Variants in CES2 observed in about 807,000 individuals in gnomAD.
CES2 encodes the protein cocaine esterase.
CES2 carries 42 observed loss-of-function variants against 52.1 expected under a neutral mutation model. The observed-to-expected ratio is 0.81, with a 90% CI of 0.63 to 1.04. CES2 has a LOEUF of 1.04. Ranked by LOEUF, CES2 falls within the 50% of genes least tolerant of loss-of-function variation. CES2 has a pLI of 0.00. For synonymous variants in CES2, 277 were observed against 289.6 expected (o/e 0.96, Z 0.44); for missense variants, 656 against 724.3 (o/e 0.91, Z 1.08).
rs1289697850 is a variant in CES2, at chr16:66,944,044, A to G, written c.*19A>G. The G allele has an allele frequency of 3.3e-5, 20 of 611,716 alleles. No homozygotes were observed. Among genetic ancestry groups the G allele is most frequent in the Non-Finnish European group, 4.8e-5 (18 of 374,026 alleles). 37.9% of individuals were successfully genotyped at this position (611,716 alleles called of 1,614,324 possible). ...GCTGTAGCTCCCTGTGCCGGGGAGG[A>G]GGGGGTGGGTTCGCTGACAGGCGAG... On this transcript the variant is annotated 3_prime_UTR_variant, in exon 12 of 12. Coordinates refer to ENST00000317091, the MANE Select transcript of CES2 (RefSeq NM_001365405.1).
chr16:66,942,389 C>T, intron 9 of CES2, 140 bp downstream of exon 9: 1 of 967,346 alleles, frequency 1.0e-6, no homozygotes, highest in Non-Finnish European at 1.5e-6. Flanking sequence ...TGCAGTAAAT[C>T]CTCATGGCTA....
chr16:66,941,493 C>T lies in CES2; in HGVS notation c.916-13C>T. On this transcript the variant is annotated splice_polypyrimidine_tract_variant and intron_variant, in intron 6 of 11. Coordinates refer to ENST00000317091, the MANE Select transcript of CES2 (RefSeq NM_001365405.1). ...GACCTGACCTTGTTCCCTGACCTTACATTTCCCCTCAGCCTTTCAAGATGA... is the reference window on the plus strand; with the variant it reads ...GACCTGACCTTGTTCCCTGACCTTATATTTCCCCTCAGCCTTTCAAGATGA... 6.2e-7 allele frequency: 1 copy of T among 1,613,458 alleles called. No homozygotes were observed. Among genetic ancestry groups the T allele is most frequent in the Non-Finnish European group, 8.5e-7 (1 of 1,179,664 alleles).
chr16:66,939,082 G>A, intron 2 of CES2, 135 bp from the exon 3 acceptor site: 1 of 726,904 alleles, frequency 1.4e-6, no homozygotes. Flanking sequence ...TGGTGGGAAG[G>A]GATTTTTGAG....
At position 66,935,592 on chromosome 16, in the gene CES2, A is replaced by G. The variant is rs1193804962; in HGVS notation, c.-44A>G. ...GACCCGGGGCAGCCTCTGGGTGAAC[A>G]GCAGCGTGTCCGCCGGCAGCGAACC... On this transcript the variant is annotated 5_prime_UTR_variant, in exon 1 of 12. Coordinates refer to ENST00000317091, the MANE Select transcript of CES2 (RefSeq NM_001365405.1). The G allele has an allele frequency of 8.7e-6, 14 of 1,612,332 alleles. No individual in the cohort carries two copies. The Admixed American group carries it at 2.3e-4, about 27-fold the overall frequency.
chr16:66,943,233 G>T lies in CES2; in HGVS notation c.1421-66G>T, dbSNP rs775671571. The T allele has an allele frequency of 6.4e-7, 1 of 1,554,180 alleles. No individual in the cohort carries two copies. The highest frequency in any genetic ancestry group is 1.7e-5 in the Admixed American group (1 of 58,450). ...GACCGAGGTCTCGGGGGCCAAGGAC[G>T]AGCTCCACCTGGGATGCTGAGGTTG... On this transcript the variant is annotated intron_variant, in intron 10 of 11. Transcript: ENST00000317091. This position sits in a 1 kb window ranked among gnomAD's most constrained non-coding sequence, Gnocchi z 4.2.
chr16:66,936,205 G>A (rs188816566), intron 1 of CES2, among the ~76,000 whole-genome samples: 2 of 152,294 alleles, frequency 1.3e-5, no homozygotes, highest in Admixed American at 1.3e-4. Flanking sequence ...AAGCCCCCAG[G>A]CGCCAAATCC....
At position 66,940,365 on chromosome 16, in the gene CES2, G is replaced by A. The variant is rs1963329814; in HGVS notation, c.557+10G>A. On this transcript the variant is annotated intron_variant, in intron 4 of 11. Transcript: ENST00000317091. ...TCCTGGGCTTCTTCAGGTGAGACTA[G>A]GGCTGGGCTGGGCAACCCGGGCTGA... 1.9e-6 allele frequency: 3 copies of A among 1,614,180 alleles called. No individual in the cohort carries two copies. Among genetic ancestry groups the A allele is most frequent in the Non-Finnish European group, 2.5e-6 (3 of 1,180,032 alleles).
Position 66,939,121 on chromosome 16 carries a change from G to A in CES2, c.282-96G>A, listed in dbSNP as rs1339215353. The A allele has an allele frequency of 8.9e-6, 9 of 1,009,738 alleles. No individual in the cohort carries two copies. The Admixed American group carries it at 1.6e-4, about 18-fold the overall frequency. The allele number at this position is 1,009,738 out of a possible 1,614,324, so 62.5% of individuals were successfully genotyped here. A position where few individuals can be genotyped will look rare whatever the true frequency, so the allele number is the denominator to read the frequency against. ...GATCATGTGTGAGCAGGATATTGTG[G>A]GAAGGGTCTGAGGGTGGCTGGGAGC... On this transcript the variant is annotated intron_variant, in intron 2 of 11. Coordinates refer to ENST00000317091, the MANE Select transcript of CES2 (RefSeq NM_001365405.1).
At position 66,939,254 on chromosome 16, in the gene CES2, C is replaced by A. The variant is rs991360724; in HGVS notation, c.319C>A (p.Leu107Ile). The A allele has an allele frequency of 5.0e-6, 8 of 1,613,842 alleles. No individual in the cohort carries two copies. Among genetic ancestry groups the A allele is most frequent in the Non-Finnish European group, 6.8e-6 (8 of 1,179,888 alleles). Residue 107 changes from leucine (L) to isoleucine (I), a missense_variant, in exon 3 of 12, where the codon CTT becomes ATT. By Grantham distance (5) the Leu-to-Ile change is conservative. Transcript: ENST00000317091. ...QDLTAVESEF[L>I]SQFNMTFPSD... ...CCTCACCGCAGTGGAGTCAGAGTTT[C>A]TTAGCCAGTTCAACATGACCTTCCC...
chr16:66,942,910 C>T, intron 10 of CES2, 125 bp downstream of exon 10: 1 of 1,499,924 alleles, frequency 6.7e-7, no homozygotes, highest in South Asian at 1.3e-5. Context: ...ATCAGGTGTC[C>T]AAGGTTTTAT....
intron 7 of CES2, 55 bp from the exon 8 acceptor site, chr16:66,941,713 T>C (rs939008230): frequency 6.2e-7 from 1 of 1,613,574 alleles, no homozygotes; most frequent in African/African-American, 1.3e-5. Context: ...GTTCAGGGCT[T>C]CATAGCTCCA....
intron 1 of CES2, 108 bp downstream of exon 1, chr16:66,935,819 G>T: frequency 6.3e-7 from 1 of 1,583,568 alleles, no homozygotes; most frequent in South Asian, 1.1e-5. Context: ...GTAGGAGCTG[G>T]TGGAGATGAC....
At chr16:66,938,341 C>A in intron 2 of CES2, 100 bp downstream of exon 2, 1 of 833,898 alleles carries the variant, frequency 1.2e-6, no homozygotes, top group Non-Finnish European at 2.0e-6. Flanking sequence ...TCTAAACCCC[C>A]ACAGCCAGTT....
In CES2 at chr16:66,941,533, G is replaced by T; in HGVS notation, c.943G>T (p.Asp315Tyr). The T allele has an allele frequency of 6.2e-7, 1 of 1,614,126 alleles. No homozygotes were observed. The highest frequency in any genetic ancestry group is 8.5e-7 in the Non-Finnish European group (1 of 1,179,992). ...TTTCAAGATGATCCCCGGAGTGGTGGATGGGGTCTTCCTGCCCAGGCACCC... is the reference window on the plus strand; with the variant it reads ...TTTCAAGATGATCCCCGGAGTGGTGTATGGGGTCTTCCTGCCCAGGCACCC... ...KPFKMIPGVV[D>Y]GVFLPRHPQE... The change falls in exon 7 of 12, where the codon GAT (aspartate) becomes TAT (tyrosine). Residue 315 changes from aspartate (D) to tyrosine (Y), a missense_variant. Asp to Tyr is a radical substitution (Grantham distance 160). Coordinates refer to ENST00000317091, the MANE Select transcript of CES2 (RefSeq NM_001365405.1).
intron 1 of CES2, among the ~76,000 whole-genome samples, chr16:66,937,470 G>GCATGCTGTA (rs749374793): frequency 1.3e-5 from 2 of 152,138 alleles, no homozygotes; most frequent in Admixed American, 1.3e-4. Flanking sequence ...TTCTACAGCT[G>GCATGCTGTA]GGACTACAGG....
chr16:66,935,905 G>A, intron 1 of CES2, 194 bp downstream of exon 1: 1 of 1,451,020 alleles, frequency 6.9e-7, no homozygotes, highest in Non-Finnish European at 9.0e-7. Context: ...GAAAGGGTCG[G>A]GCTGGGGGAC....
chr16:66,944,150 T>TC lies in CES2; in HGVS notation c.*127dup. 7.6e-6 allele frequency: 4 copies of TC among 525,050 alleles called. No individual in the cohort carries two copies. Among genetic ancestry groups the TC allele is most frequent in the Non-Finnish European group, 1.3e-5 (4 of 299,950 alleles). 32.5% of individuals were successfully genotyped at this position (525,050 alleles called of 1,614,324 possible). A position where few individuals can be genotyped will look rare whatever the true frequency, so the allele number is the denominator to read the frequency against. Reference sequence around the variant, plus strand: ...ATTCACTTCGCCATTCATTCATACTTCCGTCCATCCATTCAGAAAGCATTT... The same window carrying TC: ...ATTCACTTCGCCATTCATTCATACTTCCCGTCCATCCATTCAGAAAGCATTT... On this transcript the variant is annotated 3_prime_UTR_variant, in exon 12 of 12. Transcript: ENST00000317091.
rs368103444 is a variant in CES2 at position 66,940,305 on chromosome 16, C to A, written c.507C>A (p.Asn169Lys). ...GTTCCATGCTGGCTGCCTTGGAGAACGTGGTGGTGGTCATCATCCAGTACC... is the reference window on the plus strand; with the variant it reads ...GTTCCATGCTGGCTGCCTTGGAGAAAGTGGTGGTGGTCATCATCCAGTACC... ...YDGSMLAALE[N>K]VVVVIIQYRL... The change falls in exon 4 of 12, where the codon AAC becomes AAA. Residue 169 changes from asparagine (N) to lysine (K), a missense_variant. Transcript: ENST00000317091. The A allele has an allele frequency of 6.2e-7, 1 of 1,613,910 alleles. No homozygotes were observed. The highest frequency in any genetic ancestry group is 8.5e-7 in the Non-Finnish European group (1 of 1,180,026).
intron 8 of CES2, 42 bp downstream of exon 8, chr16:66,941,890 C>G (rs773170953): frequency 6.2e-7 from 1 of 1,612,562 alleles, no homozygotes; most frequent in Non-Finnish European, 8.5e-7. Context: ...ACGGGCTCCT[C>G]TCCTGTCCTG....
Sources: gnomAD v4.1 joint callset for allele counts (sites outside exome capture counted in the v4.1 genomes callset) on GRCh38, gnomAD v4.1.1 for gene constraint, Gnocchi (gnomAD v3.1) non-coding constraint, MANE v1.5 for transcripts, NCBI Gene and HGNC (gene_info 2026-07-23, HGNC 2026-07-21) for gene names.